Variants in RNF135 observed in about 807,000 individuals in gnomAD.
The protein encoded by RNF135 is ring finger protein 135.
RNF135 carries 46 observed loss-of-function variants against 41.9 expected under a neutral mutation model. The observed-to-expected ratio is 1.10, with a 90% CI of 0.87 to 1.40. The LOEUF (loss-of-function observed/expected upper bound fraction) is 1.40, where lower values mean the gene tolerates loss of function less well. RNF135 is among the 40% of genes most tolerant of loss of function. The pLI, the probability that RNF135 is intolerant of heterozygous loss-of-function variation, is 0.00. For missense variants in RNF135, 539 were observed against 549.8 expected (o/e 0.98, Z 0.20); for synonymous variants, 238 against 223.8 (o/e 1.06, Z -0.57).
upstream of RNF135, among the ~76,000 whole-genome samples, chr17:30,968,292 CA>C (rs1188089121): frequency 2.4e-3 from 306 of 127,752 alleles, no homozygotes; most frequent in Middle Eastern, 4.2e-3. Context: ...GACTCCATCT[CA>C]AAAAAAAAAA....
At chr17:30,978,307 C>A (rs151169957) in intron 1 of RNF135, among the ~76,000 whole-genome samples, 73 of 152,236 alleles carry the variant, frequency 4.8e-4, no homozygotes, top group Middle Eastern at 3.4e-3. Flanking sequence ...GCTATTATTT[C>A]TTTGAATAAA....
intron 3 of RNF135, among the ~76,000 whole-genome samples, chr17:30,989,517 T>C (rs546314509): frequency 1.3e-5 from 2 of 152,296 alleles, no homozygotes; most frequent in African/African-American, 2.4e-5. Context: ...TCCAGAGTTA[T>C]TGAAAAATAA....
At chr17:30,970,919 G>A (rs1905836466), upstream of RNF135, 1 of 1,069,808 alleles carries the variant, frequency 9.3e-7, no homozygotes, top group South Asian at 1.5e-5. Flanking sequence ...GTTTTCAGCA[G>A]GATCGGAGGA....
At position 30,971,368 on chromosome 17, in the gene RNF135, G is replaced by C. The variant is rs1040589020; in HGVS notation, c.295G>C (p.Ala99Pro). ...CGAGATACAGGCGGGCTCCGACCCT[G>C]CCCACTGCCCCTGCCCGGGCTCCAG... ...AREIQAGSDP[A>P]HCPCPGSSSL... is the part of the protein sequence containing the mutation. The change falls in exon 1 of 5, where the codon GCC becomes CCC. Residue 99 changes from alanine to proline, a missense_variant. Transcript: ENST00000328381. The C allele has an allele frequency of 4.6e-6, 7 of 1,528,558 alleles. No homozygotes were observed. The East Asian group carries it at 1.5e-4, about 33-fold the overall frequency. 94.7% of individuals were successfully genotyped at this position (1,528,558 alleles called of 1,614,324 possible). A position where few individuals can be genotyped will look rare whatever the true frequency, so the allele number is the denominator to read the frequency against.
rs767401948 is a variant in RNF135, at chr17:30,998,718, A to G, written c.826A>G (p.Lys276Glu). The stretch of plus-strand genomic sequence containing the variant: ...CCTTTCCTGCAGCCTGGAGGTGTCC[A>G]AGGATTCCCGTACAGTGACTGTGTC... The part of the protein sequence containing the change: ...KSLSCSLEVS[K>E]DSRTVTVSHR... Residue 276 changes from lysine (K) to glutamate (E), a missense_variant, in exon 5 of 5, where the codon AAG becomes GAG. This residue lies in a region of RNF135 where 262 missense variants were observed against 336.9 expected (regional missense o/e 0.78). Transcript: ENST00000328381. 3.7e-6 allele frequency: 6 copies of G among 1,613,824 alleles called. No individual in the cohort carries two copies. In the South Asian group the frequency reaches 6.6e-5, roughly 18 times the overall value.
intron 2 of RNF135, among the ~76,000 whole-genome samples, chr17:30,985,415 C>T (rs2142709214): frequency 6.6e-6 from 1 of 152,304 alleles, no homozygotes; most frequent in Non-Finnish European, 1.5e-5. Context: ...TGCTCCTCTT[C>T]TGGGATTTCT....
chr17:30,997,458 T>A, intron 4 of RNF135, 127 bp downstream of exon 4: 1 of 843,360 alleles, frequency 1.2e-6, no homozygotes, highest in South Asian at 1.4e-5. Flanking sequence ...TTGTTCCAGG[T>A]CCCTCCACGG....
chr17:30,991,225 T>C (rs995959523), intron 3 of RNF135, among the ~76,000 whole-genome samples: 1 of 151,870 alleles, frequency 6.6e-6, no homozygotes, highest in African/African-American at 2.4e-5. Flanking sequence ...TAGCCAGTCT[T>C]GGTGGTGGGT....
At chr17:30,989,261 T>C (rs2142719214) in intron 3 of RNF135, among the ~76,000 whole-genome samples, 1 of 151,994 alleles carries the variant, frequency 6.6e-6, no homozygotes, top group Admixed American at 6.5e-5. Context: ...CCAGCTACTC[T>C]GTAGGCTGAG....
Position 30,987,995 on chromosome 17 carries a change from TC to T in RNF135, c.570del (p.Asp191ThrfsTer14). 1 of 1,614,138 alleles carries T rather than the reference TC, an allele frequency of 6.2e-7. No homozygotes were observed. Reference sequence around the variant, plus strand: ...CATGGCTTCTCCAAAGCTGGTGACTTCCGACACAGCTGCAGGGAAAATCAGA... The same window carrying T: ...CATGGCTTCTCCAAAGCTGGTGACTTCGACACAGCTGCAGGGAAAATCAGA... Reference protein sequence around the residue: ...LSMASPKLVTSDTAAGKIRDI... With the variant: ...LSMASPKLVTXDTAAGKIRDI... On this transcript the variant is annotated frameshift_variant, in exon 3 of 5. Transcript: ENST00000328381. LOFTEE classifies it high-confidence loss of function.
chr17:30,990,284 A>C (rs1037353673), intron 3 of RNF135, among the ~76,000 whole-genome samples: 3 of 152,112 alleles, frequency 2.0e-5, no homozygotes, highest in African/African-American at 7.2e-5. Context: ...GCACTTTGTG[A>C]GGCCAAGGAG....
At chr17:30,995,714 T>C (rs1002530245) in intron 3 of RNF135, among the ~76,000 whole-genome samples, 3 of 152,172 alleles carry the variant, frequency 2.0e-5, no homozygotes, top group East Asian at 3.8e-4. Context: ...TAGCATAATG[T>C]CCTCCAAGCT....
At chr17:30,973,975 T>A (rs1311948043) in intron 1 of RNF135, among the ~76,000 whole-genome samples, 1 of 152,120 alleles carries the variant, frequency 6.6e-6, no homozygotes, top group East Asian at 1.9e-4. Flanking sequence ...GGCATGTGGT[T>A]CACACCTGTA....
intron 2 of RNF135, among the ~76,000 whole-genome samples, chr17:30,985,498 C>T (rs1907520824): frequency 6.6e-6 from 1 of 152,188 alleles, no homozygotes; most frequent in East Asian, 1.9e-4. Context: ...ACCTTCTTCT[C>T]CCTTACCCTA....
intron 3 of RNF135, among the ~76,000 whole-genome samples, chr17:30,990,867 A>G (rs1194457016): frequency 1.3e-5 from 2 of 152,274 alleles, no homozygotes; most frequent in African/African-American, 2.4e-5. Context: ...GTATTCCAAT[A>G]TCTGGGTATG....
At chr17:30,995,987 G>C (rs1185296180) in intron 3 of RNF135, among the ~76,000 whole-genome samples, 1 of 151,870 alleles carries the variant, frequency 6.6e-6, no homozygotes, top group African/African-American at 2.4e-5. Context: ...ATGTTGGCCA[G>C]GCAGGTCTCG....
chr17:30,975,635 G>T, intron 1 of RNF135: 1 of 1,108,656 alleles, frequency 9.0e-7, no homozygotes, highest in Non-Finnish European at 1.4e-6. Flanking sequence ...GCAAAAACAA[G>T]AAACTCCACA....
intron 3 of RNF135, among the ~76,000 whole-genome samples, chr17:30,996,121 C>A (rs1223537361): frequency 4.0e-5 from 5 of 125,766 alleles, no homozygotes; most frequent in Non-Finnish European, 6.5e-5. Flanking sequence ...GATGGAGTCT[C>A]ACTCTGTTTC....
At chr17:30,975,552 A>G in intron 1 of RNF135, 1 of 782,516 alleles carries the variant, frequency 1.3e-6, no homozygotes, top group Non-Finnish European at 2.4e-6. Context: ...ATAGACATAC[A>G]CCCAACAATA....
Sources: allele counts gnomAD v4.1 joint callset (sites outside exome capture counted in the v4.1 genomes callset), GRCh38; gene constraint gnomAD v4.1.1; regional missense constraint gnomAD v4.1.1; transcripts MANE v1.5; gene names NCBI Gene and HGNC (gene_info 2026-07-23, HGNC 2026-07-21).